The following CHD9 variants were observed in gnomAD, a reference collection of about 807,000 sequenced individuals.
CHD9 encodes the protein chromodomain helicase DNA binding protein 9, also known as ATP-dependent chromatin remodeler CHD9.
Under a neutral mutation model 316.1 loss-of-function variants are expected in CHD9, and 77 were observed. The ratio of observed to expected loss-of-function variants is 0.24; its 90% confidence interval spans 0.20 to 0.29. The LOEUF (loss-of-function observed/expected upper bound fraction) is 0.29, where lower values mean the gene tolerates loss of function less well. Ranked by LOEUF, CHD9 falls within the 10% of genes least tolerant of loss-of-function variation. The pLI is 1.00. For missense variants in CHD9, 2,763 were observed against 3,438.1 expected (o/e 0.80, Z 4.91); for synonymous variants, 1,129 against 1,158.3 (o/e 0.97, Z 0.51).
intron 2 of CHD9, among the ~76,000 whole-genome samples, chr16:53,204,879 T>C (rs746346672): frequency 6.6e-6 from 1 of 152,072 alleles, no homozygotes; most frequent in Non-Finnish European, 1.5e-5. Context: ...AGTTTCGCTC[T>C]GTTGCCCAGG....
intron 1 of CHD9, among the ~76,000 whole-genome samples, chr16:53,113,591 G>A (rs2038038928): frequency 6.6e-6 from 1 of 152,082 alleles, no homozygotes; most frequent in Admixed American, 6.6e-5. Context: ...GATTACAGGT[G>A]TGAGCCACTG....
chr16:53,255,769 C>T lies in CHD9; in HGVS notation c.4199C>T (p.Thr1400Ile). The T allele has an allele frequency of 6.2e-7, 1 of 1,613,728 alleles. No individual in the cohort carries two copies. The highest frequency in any genetic ancestry group is 8.5e-7 in the Non-Finnish European group (1 of 1,179,720). ...ATTGAATCAGAAGGACGTGGGTCAA[C>T]ATTTGCCAAGGTAATAGTGGGTGCA... ...ITIESEGRGS[T>I]FAKASFVASG... The change falls in exon 19 of 39, where the codon ACA (threonine) becomes ATA (isoleucine). Residue 1400 changes from threonine to isoleucine, a missense_variant. Thr to Ile is a moderately conservative substitution (Grantham distance 89, BLOSUM62 -1). Around this residue, in one of 15 missense-constraint regions of CHD9, gnomAD observed 199 missense variants for 251.7 expected, o/e 0.79. Coordinates refer to ENST00000447540, the MANE Select transcript of CHD9 (RefSeq NM_001308319.2).
intron 2 of CHD9, among the ~76,000 whole-genome samples, chr16:53,207,208 G>A (rs988399303): frequency 2.0e-5 from 3 of 152,126 alleles, no homozygotes; most frequent in Non-Finnish European, 2.9e-5. Context: ...GTGAAATTTT[G>A]TTTTAGTGAT....
chr16:53,128,526 G>C (rs900053633), intron 1 of CHD9, among the ~76,000 whole-genome samples: 7 of 152,194 alleles, frequency 4.6e-5, no homozygotes, highest in African/African-American at 1.7e-4. Context: ...GAGGGACCTA[G>C]AGAGTGTGGC....
chr16:53,201,939 A>G (rs2045494994), intron 2 of CHD9, among the ~76,000 whole-genome samples: 1 of 151,864 alleles, frequency 6.6e-6, no homozygotes, highest in Admixed American at 6.6e-5. Context: ...GCTCACTGCA[A>G]CCTCAAGCTC....
Position 53,241,173 on chromosome 16 carries a change from T to A in CHD9, c.2878-1667T>A, listed in dbSNP as rs140349196. ...TAATTAAAATCTAAGAACACCCAAC[T>A]GTTCTTATCCCTTCTTTTCACTTAA... On this transcript the variant is annotated intron_variant, in intron 12 of 38. Coordinates refer to ENST00000447540, the MANE Select transcript of CHD9 (RefSeq NM_001308319.2). Among the ~76,000 whole-genome samples, 9 of 152,312 alleles carry A rather than the reference T, an allele frequency of 5.9e-5. 1 individual carries two copies. Among genetic ancestry groups the A allele is most frequent in the Admixed American group, 2.6e-4 (4 of 15,302 alleles).
Position 53,062,962 on chromosome 16 carries a change from G to A in CHD9, c.-165+7885G>A, listed in dbSNP as rs188054871. ...TTGGACCCGGGAGGCAGAGGTTGTGGTGAGCCAAGATCGCGCCATTGCACT... is the reference window on the plus strand; with the variant it reads ...TTGGACCCGGGAGGCAGAGGTTGTGATGAGCCAAGATCGCGCCATTGCACT... On this transcript the variant is annotated intron_variant, in intron 1 of 38. Transcript: ENST00000447540. 4.1e-4 allele frequency among the ~76,000 whole-genome samples: 62 copies of A among 152,292 alleles called. No individual in the cohort carries two copies. In the East Asian group the frequency reaches 0.012, roughly 28 times the overall value.
Position 53,229,016 on chromosome 16 carries a change from G to C in CHD9, c.2202G>C (p.Glu734Asp). 1 of 1,591,990 alleles carries C rather than the reference G, an allele frequency of 6.3e-7. No homozygotes were observed. The highest frequency in any genetic ancestry group is 8.6e-7 in the Non-Finnish European group (1 of 1,168,346). Residue 734 changes from glutamate to aspartate, a missense_variant, in exon 8 of 39, where the codon GAG (glutamate) becomes GAC (aspartate). Physicochemically the swap from Glu to Asp is conservative, Grantham distance 45. This residue lies in a region of CHD9 where 859 missense variants were observed against 890.4 expected (regional missense o/e 0.96). Coordinates refer to ENST00000447540, the MANE Select transcript of CHD9 (RefSeq NM_001308319.2). ...SYLHCEWATEEQLLKDKRIQQ... is the reference protein window; with the variant it reads ...SYLHCEWATEDQLLKDKRIQQ... ...TTCACTGTGAGTGGGCCACAGAAGA[G>C]CAGCTTTTGAAAGATAAAAGGATCC... is the stretch of plus-strand genomic sequence containing the variant.
At chr16:53,061,682 C>T (rs2032923905) in intron 1 of CHD9, among the ~76,000 whole-genome samples, 1 of 152,112 alleles carries the variant, frequency 6.6e-6, no homozygotes. Context: ...GGTATATCCT[C>T]GACTCTCATA....
chr16:53,317,163 C>CAAAAA (rs537619212), intron 36 of CHD9, among the ~76,000 whole-genome samples: 5 of 81,726 alleles, frequency 6.1e-5, no homozygotes, highest in African/African-American at 9.5e-5. Context: ...AACTCCATCT[C>CAAAAA]AAAAAAAAAA....
At chr16:53,229,724 T>C (rs1405647967) in intron 8 of CHD9, among the ~76,000 whole-genome samples, 1 of 152,234 alleles carries the variant, frequency 6.6e-6, no homozygotes, top group African/African-American at 2.4e-5. Context: ...CCATGTTTGC[T>C]TTATCATTTG....
In CHD9 at chr16:53,326,142, T is replaced by G. The variant is rs1478054717; in HGVS notation, c.*1247T>G. ...ATAGACTCCTTTACCATGTAAAATT[T>G]GTCTGATATTTGATTTGTGATACAA... On this transcript the variant is annotated 3_prime_UTR_variant, in exon 39 of 39. Transcript: ENST00000447540. The G allele has an allele frequency of 6.6e-6, 1 of 152,510 alleles. No individual in the cohort carries two copies. Among genetic ancestry groups the G allele is most frequent in the Non-Finnish European group, 1.5e-5 (1 of 67,920 alleles). The allele number at this position is 152,510 out of a possible 1,614,324, so 9.4% of individuals were successfully genotyped here. A position where few individuals can be genotyped will look rare whatever the true frequency, so the allele number is the denominator to read the frequency against.
rs376930816 is a variant in CHD9 at position 53,304,941 on chromosome 16, G to A, written c.6619+316G>A. 3.9e-4 allele frequency among the ~76,000 whole-genome samples: 59 copies of A among 151,992 alleles called. 1 individual carries two copies. The South Asian group carries it at 9.5e-3, about 25-fold the overall frequency. On this transcript the variant is annotated intron_variant, in intron 31 of 38. Coordinates refer to ENST00000447540, the MANE Select transcript of CHD9 (RefSeq NM_001308319.2). The stretch of plus-strand genomic sequence containing the variant: ...ACTCCCGACCTCAGGTGATCTACCC[G>A]CCTCAGCCTCCCAAAGTGCTGAGAT...
intron 24 of CHD9, among the ~76,000 whole-genome samples, chr16:53,282,671 A>G (rs528507771): frequency 2.4e-4 from 37 of 152,266 alleles, no homozygotes; most frequent in South Asian, 1.7e-3. Context: ...TCCATTCACT[A>G]TGCAATCTAC....
chr16:53,119,289 G>T (rs2038560082), intron 1 of CHD9, among the ~76,000 whole-genome samples: 1 of 151,528 alleles, frequency 6.6e-6, no homozygotes, highest in African/African-American at 2.4e-5. Context: ...GAGGGAAGAA[G>T]AAATATAATT....
intron 27 of CHD9, among the ~76,000 whole-genome samples, chr16:53,290,814 G>A (rs1197603395): frequency 6.6e-6 from 1 of 152,010 alleles, no homozygotes; most frequent in Non-Finnish European, 1.5e-5. Flanking sequence ...CAATAAATTT[G>A]GAGCAAAGAG....
Position 53,286,302 on chromosome 16 carries a change from A to G in CHD9, c.5148A>G (p.Lys1716=), listed in dbSNP as rs367624627. Residue 1716 remains lysine (K), a synonymous_variant, in exon 26 of 39, where the codon AAA becomes AAG. Coordinates refer to ENST00000447540, the MANE Select transcript of CHD9 (RefSeq NM_001308319.2). ...AAAGAGTGGGAAAACCTGATGAGAAAGCAGTTGCTGCTGAACAGAGAGCGA... is the reference window on the plus strand; with the variant it reads ...AAAGAGTGGGAAAACCTGATGAGAAGGCAGTTGCTGCTGAACAGAGAGCGA... The part of the protein sequence containing the change: ...FLERVGKPDE[K]AVAAEQRAND... The G allele has an allele frequency of 2.5e-6, 4 of 1,612,762 alleles. No homozygotes were observed. In the African/African-American group the frequency reaches 5.3e-5, roughly 22 times the overall value.
intron 1 of CHD9, among the ~76,000 whole-genome samples, chr16:53,085,366 A>G (rs942396546): frequency 4.0e-5 from 6 of 151,578 alleles, no homozygotes; most frequent in Admixed American, 2.0e-4. Flanking sequence ...GCCTTTGATC[A>G]TCTTACCCCC....
At chr16:53,299,602 T>C in intron 30 of CHD9, 1 of 410,986 alleles carries the variant, frequency 2.4e-6, no homozygotes, top group Non-Finnish European at 4.7e-6. Context: ...ATGATTGGCT[T>C]CATTGAAAAC....
Sources: allele counts gnomAD v4.1 joint callset (sites outside exome capture counted in the v4.1 genomes callset), GRCh38; gene constraint gnomAD v4.1.1; regional missense constraint gnomAD v4.1.1; transcripts MANE v1.5; gene names NCBI Gene and HGNC (gene_info 2026-07-23, HGNC 2026-07-21).